Variants in CLHC1 observed in about 807,000 individuals in gnomAD.
CLHC1 encodes the protein clathrin heavy chain linker domain containing 1, also known as clathrin heavy chain linker domain-containing protein 1.
Under a neutral mutation model 69.5 loss-of-function variants are expected in CLHC1, and 72 were observed. That is an observed-to-expected ratio of 1.04 (90% CI 0.86 to 1.26). The LOEUF is 1.26. Ranked by LOEUF, CLHC1 falls within the 50% of genes most tolerant of loss-of-function variation. The pLI is 0.00. For synonymous variants in CLHC1, 223 were observed against 224.3 expected (o/e 0.99, Z 0.05); for missense variants, 790 against 679.3 (o/e 1.16, Z -1.81).
At chr2:55,176,918 G>C (rs1193446827) in intron 12 of CLHC1, among the ~76,000 whole-genome samples, 1 of 152,050 alleles carries the variant, frequency 6.6e-6, no homozygotes, top group Non-Finnish European at 1.5e-5. Flanking sequence ...TCTCACCCAG[G>C]CTGGAGTGCA....
At position 55,218,015 on chromosome 2, in the gene CLHC1, C is replaced by T; in HGVS notation, c.178-17G>A. The T allele has an allele frequency of 7.4e-7, 1 of 1,349,748 alleles. No homozygotes were observed. The highest frequency in any genetic ancestry group is 2.8e-5 in the Admixed American group (1 of 35,694). The allele number at this position is 1,349,748 out of a possible 1,614,324, so 83.6% of individuals were successfully genotyped here. A position where few individuals can be genotyped will look rare whatever the true frequency, so the allele number is the denominator to read the frequency against. On this transcript the variant is annotated splice_polypyrimidine_tract_variant and intron_variant, in intron 3 of 12. Coordinates refer to ENST00000401408, the MANE Select transcript of CLHC1 (RefSeq NM_152385.4). ...CTCTATTACCTGAAATATTATTTTT[C>T]TGCCTATGGTATTGATTTTTTTTCT... is the stretch of plus-strand genomic sequence containing the variant.
chr2:55,200,317 C>T (rs1671831135), intron 9 of CLHC1, among the ~76,000 whole-genome samples: 1 of 140,346 alleles, frequency 7.1e-6, no homozygotes, highest in African/African-American at 2.7e-5. Flanking sequence ...TCTTTAAAGA[C>T]ACATATAGAC....
intron 9 of CLHC1, among the ~76,000 whole-genome samples, chr2:55,201,990 C>T (rs1289553623): frequency 6.6e-6 from 1 of 151,968 alleles, no homozygotes; most frequent in African/African-American, 2.4e-5. Context: ...AGAAAAAAAT[C>T]TGGGGATAGA....
At chr2:55,201,956 TC>T (rs1455657947) in intron 9 of CLHC1, among the ~76,000 whole-genome samples, 2 of 152,134 alleles carry the variant, frequency 1.3e-5, no homozygotes, top group African/African-American at 4.8e-5. Context: ...TTAATAAAAT[TC>T]AACATTCTTC....
intron 2 of CLHC1, among the ~76,000 whole-genome samples, chr2:55,226,384 C>T (rs1318078622): frequency 1.3e-5 from 2 of 151,940 alleles, no homozygotes; most frequent in South Asian, 2.1e-4. Flanking sequence ...GTATAAAATT[C>T]GGAAAATATA....
rs779731656 is a variant in CLHC1 at position 55,173,743 on chromosome 2, T to G, written c.*2047A>C. 5.8e-4 allele frequency among the ~76,000 whole-genome samples: 89 copies of G among 152,306 alleles called. No homozygotes were observed. Among genetic ancestry groups the G allele is most frequent in the Non-Finnish European group, 7.9e-4 (54 of 68,018 alleles). Reference sequence around the variant, plus strand: ...AATCTTGCTCTTCCTCCCAACTCCATTTTCCATCACCAGGCATTTTAATTT... The same window carrying G: ...AATCTTGCTCTTCCTCCCAACTCCAGTTTCCATCACCAGGCATTTTAATTT... On this transcript the variant is annotated 3_prime_UTR_variant, in exon 13 of 13. Transcript: ENST00000401408.
chr2:55,223,725 C>G (rs1674402691), intron 2 of CLHC1, among the ~76,000 whole-genome samples: 2 of 152,086 alleles, frequency 1.3e-5, no homozygotes, highest in Admixed American at 1.3e-4. Flanking sequence ...GGAGCCTCGG[C>G]AGGGGCCTAG....
chr2:55,197,144 C>T (rs1367324005), intron 9 of CLHC1, among the ~76,000 whole-genome samples: 1 of 152,162 alleles, frequency 6.6e-6, no homozygotes, highest in East Asian at 1.9e-4. Flanking sequence ...ATAGGAAGGA[C>T]TTTGTCTTAT....
intron 9 of CLHC1, among the ~76,000 whole-genome samples, chr2:55,197,010 G>A (rs965760633): frequency 2.6e-5 from 4 of 152,146 alleles, no homozygotes; most frequent in Non-Finnish European, 5.9e-5. Context: ...TTCACCACTA[G>A]CTGACTGAAG....
At chr2:55,180,436 C>T (rs890259389) in intron 11 of CLHC1, 74 bp downstream of exon 11, 38 of 1,052,214 alleles carry the variant, frequency 3.6e-5, no homozygotes, top group Middle Eastern at 2.1e-4. Context: ...TAAAGTAGTG[C>T]TTGCTATTAT....
intron 9 of CLHC1, among the ~76,000 whole-genome samples, chr2:55,196,821 G>A (rs1671467409): frequency 6.6e-6 from 1 of 152,204 alleles, no homozygotes; most frequent in South Asian, 2.1e-4. Flanking sequence ...AAAAGCAGAA[G>A]AGTAAAAAAG....
At chr2:55,181,809 A>C (rs1321075235) in intron 9 of CLHC1, 65 bp from the exon 10 acceptor site, 11 of 1,250,482 alleles carry the variant, frequency 8.8e-6, no homozygotes, top group Non-Finnish European at 1.2e-5. Flanking sequence ...TTCTTATCTC[A>C]TATTACTATT....
At chr2:55,202,891 T>G (rs1218902667) in intron 9 of CLHC1, among the ~76,000 whole-genome samples, 1 of 120,316 alleles carries the variant, frequency 8.3e-6, no homozygotes, top group African/African-American at 3.5e-5. Flanking sequence ...AGAGTGAGAC[T>G]CATCTCAAAA....
chr2:55,212,610 G>T, intron 5 of CLHC1, 63 bp downstream of exon 5: 1 of 1,276,460 alleles, frequency 7.8e-7, no homozygotes, highest in Non-Finnish European at 1.1e-6. Flanking sequence ...ATTAATGCAT[G>T]CCTTAGGTAA....
intron 3 of CLHC1, among the ~76,000 whole-genome samples, chr2:55,219,370 T>C (rs536665899): frequency 1.3e-5 from 2 of 152,308 alleles, no homozygotes; most frequent in Non-Finnish European, 1.5e-5. Context: ...CAAACTGGCA[T>C]ATCACAGGTT....
At chr2:55,225,675 T>G (rs1262616502) in intron 2 of CLHC1, 2 of 152,464 alleles carry the variant, frequency 1.3e-5, no homozygotes, top group Non-Finnish European at 2.9e-5. Context: ...CCACCTCGAA[T>G]TCAGTCCTGG....
In CLHC1 at chr2:55,175,870, T is replaced by C. The variant is rs372314765; in HGVS notation, c.1681A>G (p.Ile561Val). 1.2e-5 allele frequency: 19 copies of C among 1,614,044 alleles called. No individual in the cohort carries two copies. In the Middle Eastern group the frequency reaches 9.9e-4, roughly 84 times the overall value. Residue 561 changes from isoleucine to valine, a missense_variant, in exon 13 of 13, where the codon ATT becomes GTT. Coordinates refer to ENST00000401408, the MANE Select transcript of CLHC1 (RefSeq NM_152385.4). ...GTAACTGCAGCCTGAGATCGAAGAA[T>C]AGACGTGATGTCATTAGATAATTTG... ...FDKLSNDITSILRSQAAVTEI... is the reference protein window; with the variant it reads ...FDKLSNDITSVLRSQAAVTEI...
chr2:55,172,643 AT>A lies in CLHC1; in HGVS notation c.*3146del, dbSNP rs922343265. 1.3e-5 allele frequency among the ~76,000 whole-genome samples: 2 copies of A among 151,322 alleles called. No individual in the cohort carries two copies. Among genetic ancestry groups the A allele is most frequent in the African/African-American group, 2.4e-5 (1 of 41,248 alleles). ...ATACACCGAACATTTGTTAAATGCC[AT>A]TTTTTTCTGAGAAAGAATGGAAGAA... On this transcript the variant is annotated 3_prime_UTR_variant, in exon 13 of 13. Transcript: ENST00000401408.
At chr2:55,180,305 A>G (rs1669802566) in intron 11 of CLHC1, among the ~76,000 whole-genome samples, 1 of 152,200 alleles carries the variant, frequency 6.6e-6, no homozygotes, top group South Asian at 2.1e-4. Flanking sequence ...GAGGAAATAC[A>G]TAATATTTTT....
Sources: gnomAD v4.1 joint callset for allele counts (sites outside exome capture counted in the v4.1 genomes callset) on GRCh38, gnomAD v4.1.1 for gene constraint, MANE v1.5 for transcripts, NCBI Gene and HGNC (gene_info 2026-07-23, HGNC 2026-07-21) for gene names.